Variants in SLC35F2 observed in about 807,000 individuals in gnomAD.
SLC35F2 encodes queuine/queuosine transporter SLC35F2.
Under a neutral mutation model 38.1 loss-of-function variants are expected in SLC35F2, and 25 were observed. The ratio of observed to expected loss-of-function variants is 0.66; its 90% confidence interval spans 0.48 to 0.92. The LOEUF is 0.92. Among genes scored for constraint, SLC35F2 ranks in the 40% least tolerant of loss-of-function variants. The pLI, the probability that SLC35F2 is intolerant of heterozygous loss-of-function variation, is 0.00. For missense variants in SLC35F2, 409 were observed against 452.9 expected (o/e 0.90, Z 0.88); for synonymous variants, 173 against 181.7 (o/e 0.95, Z 0.38).
At chr11:107,825,959 G>C (rs560717220) in intron 1 of SLC35F2, among the ~76,000 whole-genome samples, 123 of 152,160 alleles carry the variant, frequency 8.1e-4, no homozygotes, top group African/African-American at 2.8e-3. Context: ...TAGCAATTTT[G>C]TCTCAAGGAA....
At position 107,818,126 on chromosome 11, in the gene SLC35F2, A is replaced by AAGAAAG. The variant is rs1416411229; in HGVS notation, c.111-2167_111-2162dup. 3.6e-4 allele frequency among the ~76,000 whole-genome samples: 54 copies of AAGAAAG among 148,850 alleles called. 2 individuals carry two copies. The highest frequency in any genetic ancestry group is 3.3e-3 in the Admixed American group (49 of 14,864). On this transcript the variant is annotated intron_variant, in intron 1 of 7. Transcript: ENST00000525815. ...AAAGAAAGAAAGAAAGAAAGAAAGA[A>AAGAAAG]AGAAAGAAAAAGAAACAATTGTCAG...
At chr11:107,842,486 T>A (rs1000860434) in intron 1 of SLC35F2, among the ~76,000 whole-genome samples, 1 of 151,896 alleles carries the variant, frequency 6.6e-6, no homozygotes, top group Non-Finnish European at 1.5e-5. Flanking sequence ...CCCAAGTAGC[T>A]GGGATTACAG....
intron 1 of SLC35F2, among the ~76,000 whole-genome samples, chr11:107,852,634 G>C (rs1302407126): frequency 1.3e-5 from 2 of 152,038 alleles, no homozygotes; most frequent in Admixed American, 6.6e-5. Context: ...CTTTGGAGGG[G>C]GCCGAGATGA....
Position 107,792,339 on chromosome 11 carries a change from C to T in SLC35F2, c.*276G>A, listed in dbSNP as rs561386195. ...CCCAGTCCTGCTTTCCCACTGGTGC[C>T]TCTAAGACCCCAGTGTGGAGTCTGC... On this transcript the variant is annotated 3_prime_UTR_variant, in exon 8 of 8. Coordinates refer to ENST00000525815, the MANE Select transcript of SLC35F2 (RefSeq NM_017515.5). 1.5e-4 allele frequency: 43 copies of T among 295,632 alleles called. No homozygotes were observed. The highest frequency in any genetic ancestry group is 2.2e-4 in the Admixed American group (4 of 18,476). 18.3% of individuals were successfully genotyped at this position (295,632 alleles called of 1,614,324 possible).
At chr11:107,839,297 C>T (rs1193867511) in intron 1 of SLC35F2, among the ~76,000 whole-genome samples, 1 of 152,062 alleles carries the variant, frequency 6.6e-6, no homozygotes, top group African/African-American at 2.4e-5. Flanking sequence ...CCCGTCTCTA[C>T]TAAAAACATG....
intron 3 of SLC35F2, chr11:107,811,381 G>A (rs368704537): frequency 8.7e-5 from 31 of 355,676 alleles, no homozygotes; most frequent in African/African-American, 2.9e-4. Context: ...AACAGAACAC[G>A]TGTCAACACC....
chr11:107,815,640 G>T, intron 2 of SLC35F2, 150 bp downstream of exon 2: 2 of 812,102 alleles, frequency 2.5e-6, no homozygotes, highest in African/African-American at 1.8e-5. Context: ...GTTACAAACA[G>T]TATGGTGCTA....
At chr11:107,828,423 A>T (rs1311869926) in intron 1 of SLC35F2, among the ~76,000 whole-genome samples, 2 of 147,678 alleles carry the variant, frequency 1.4e-5, no homozygotes, top group Non-Finnish European at 3.0e-5. Flanking sequence ...TAAAGACCGA[A>T]ACTCCATCTC....
Position 107,815,875 on chromosome 11 carries a change from G to A in SLC35F2, c.201C>T (p.Tyr67=). 6.2e-7 allele frequency: 1 copy of A among 1,614,094 alleles called. No homozygotes were observed. Among genetic ancestry groups the A allele is most frequent in the Non-Finnish European group, 8.5e-7 (1 of 1,180,012 alleles). ...TCTGAAGCATGGGGGTGTTCACTTT[G>A]TATCTTTCTGCCAAATACTGGCTGG... The part of the protein sequence containing the change: ...AITSQYLAER[Y]KVNTPMLQSF... The change falls in exon 2 of 8, where the codon TAC becomes TAT. Residue 67 remains tyrosine, a synonymous_variant. Coordinates refer to ENST00000525815, the MANE Select transcript of SLC35F2 (RefSeq NM_017515.5).
chr11:107,816,328 C>T (rs2134794618), intron 1 of SLC35F2: 1 of 977,340 alleles, frequency 1.0e-6, no homozygotes, highest in Non-Finnish European at 1.2e-6. Context: ...ATTGCTCAGG[C>T]TAGAGTGCAG....
In SLC35F2 at chr11:107,850,588, G is replaced by A. The variant is rs572848624; in HGVS notation, c.110+8070C>T. The stretch of plus-strand genomic sequence containing the variant: ...TATAAGCCCAGCACATTGGGAGGCC[G>A]AGGCAGGTGGATCACTTGAGGCCAG... On this transcript the variant is annotated intron_variant, in intron 1 of 7. Coordinates refer to ENST00000525815, the MANE Select transcript of SLC35F2 (RefSeq NM_017515.5). Among the ~76,000 whole-genome samples the A allele has an allele frequency of 3.3e-5, 5 of 152,134 alleles. 1 individual carries two copies. The South Asian group carries it at 1.0e-3, about 32-fold the overall frequency.
intron 2 of SLC35F2, among the ~76,000 whole-genome samples, chr11:107,814,174 A>G (rs998884920): frequency 6.6e-6 from 1 of 152,170 alleles, no homozygotes; most frequent in Admixed American, 6.6e-5. Flanking sequence ...GGGTTAAACT[A>G]AAGTTTTAAA....
chr11:107,825,796 C>T (rs1356062780), intron 1 of SLC35F2, among the ~76,000 whole-genome samples: 5 of 152,064 alleles, frequency 3.3e-5, no homozygotes, highest in Admixed American at 2.6e-4. Flanking sequence ...TTTAGGAATC[C>T]GTGGAAGAAG....
intron 4 of SLC35F2, 97 bp from the exon 5 acceptor site, chr11:107,805,612 G>C: frequency 1.4e-6 from 2 of 1,475,780 alleles, no homozygotes; most frequent in Non-Finnish European, 1.8e-6. Flanking sequence ...TCATTTAAAT[G>C]ACACTAAAGA....
intron 1 of SLC35F2, among the ~76,000 whole-genome samples, chr11:107,838,620 C>T (rs950103035): frequency 9.3e-6 from 1 of 107,456 alleles, no homozygotes; most frequent in East Asian, 2.8e-4. Context: ...CCACTTTGCC[C>T]GGCCCTCTTT....
chr11:107,844,937 C>T (rs182619958), intron 1 of SLC35F2, among the ~76,000 whole-genome samples: 256 of 147,396 alleles, frequency 1.7e-3, no homozygotes, highest in African/African-American at 5.4e-3. Context: ...GATCACGTCA[C>T]GGCACTCCAG....
At chr11:107,803,240 T>C (rs1207020454) in intron 6 of SLC35F2, 85 bp from the exon 7 acceptor site, 1 of 1,437,474 alleles carries the variant, frequency 7.0e-7, no homozygotes, top group Non-Finnish European at 9.2e-7. Context: ...CATATAAAAC[T>C]CCCTAACCCT....
At chr11:107,844,451 A>C (rs963109479) in intron 1 of SLC35F2, among the ~76,000 whole-genome samples, 12 of 151,286 alleles carry the variant, frequency 7.9e-5, no homozygotes, top group African/African-American at 2.2e-4. Context: ...AACATGGTGA[A>C]ATCTCTCTAC....
Position 107,847,344 on chromosome 11 carries a change from C to T in SLC35F2, c.110+11314G>A, listed in dbSNP as rs79262032. 5.7e-3 allele frequency among the ~76,000 whole-genome samples: 868 copies of T among 152,294 alleles called. 8 individuals are homozygous for T. The highest frequency in any genetic ancestry group is 0.018 in the African/African-American group (731 of 41,556). The stretch of plus-strand genomic sequence containing the variant: ...GGGATCACACCCATGAGCAACCTCA[C>T]GCAGTCTACTACAGCTTTTTCATAA... On this transcript the variant is annotated intron_variant, in intron 1 of 7. Transcript: ENST00000525815.
Sources: gnomAD v4.1 joint callset for allele counts (sites outside exome capture counted in the v4.1 genomes callset) on GRCh38, gnomAD v4.1.1 for gene constraint, MANE v1.5 for transcripts, NCBI Gene and HGNC (gene_info 2026-07-23, HGNC 2026-07-21) for gene names.